The following DHRS1 variants were observed in gnomAD, a reference collection of about 807,000 sequenced individuals.
DHRS1 encodes dehydrogenase/reductase SDR family member 1.
DHRS1 carries 34 observed loss-of-function variants against 35.2 expected under a neutral mutation model. The ratio of observed to expected loss-of-function variants is 0.97; its 90% CI spans 0.74 to 1.29. The LOEUF is 1.29. Among genes scored for constraint, DHRS1 ranks in the 50% most tolerant of loss-of-function variants. The pLI is 0.00. For missense variants in DHRS1, 354 were observed against 403.6 expected (o/e 0.88, Z 1.05); for synonymous variants, 133 against 160.0 (o/e 0.83, Z 1.27).
chr14:24,295,561 G>A (rs1474731075), intron 4 of DHRS1, among the ~76,000 whole-genome samples: 1 of 152,192 alleles, frequency 6.6e-6, no homozygotes, highest in East Asian at 1.9e-4. Flanking sequence ...CCAAGGTCGA[G>A]GGTCTGGGCC....
In DHRS1 at chr14:24,296,563, G is replaced by A; in HGVS notation, c.320C>T (p.Ala107Val). Reference sequence around the variant, plus strand: ...CATGGAGGCAGGGGTTTCCCAGAATGCCTTATTCCTGGTGTTCAGGATCGT... The same window carrying A: ...CATGGAGGCAGGGGTTTCCCAGAATACCTTATTCCTGGTGTTCAGGATCGT... ...VQTILNTRNK[A>V]FWETPASMWD... The change falls in exon 4 of 9, where the codon GCA (alanine) becomes GTA (valine). Residue 107 changes from alanine to valine, a missense_variant. Ala to Val is a moderately conservative substitution (Grantham distance 64). Coordinates refer to ENST00000288111, the MANE Select transcript of DHRS1 (RefSeq NM_001136050.3). 1 of 1,614,170 alleles carries A rather than the reference G, an allele frequency of 6.2e-7. No homozygotes were observed.
Position 24,290,906 on chromosome 14 carries a change from G to C in DHRS1, c.895C>G (p.Leu299Val). The C allele has an allele frequency of 6.2e-7, 1 of 1,614,008 alleles. No individual in the cohort carries two copies. Among genetic ancestry groups the C allele is most frequent in the Non-Finnish European group, 8.5e-7 (1 of 1,180,012 alleles). Residue 299 changes from leucine (L) to valine (V), a missense_variant, in exon 9 of 9, where the codon CTC becomes GTC. Transcript: ENST00000288111. The part of the protein sequence containing the change: ...GWLASYLPSF[L>V]RVPKWIIALY... ...GCAATAATCCACTTGGGCACACGGAGGAAGGAGGGCAGGTAGGAGGCCAGC... is the reference window on the plus strand; with the variant it reads ...GCAATAATCCACTTGGGCACACGGACGAAGGAGGGCAGGTAGGAGGCCAGC...
At chr14:24,297,245 T>C (rs1325873872) in intron 2 of DHRS1, among the ~76,000 whole-genome samples, 1 of 152,188 alleles carries the variant, frequency 6.6e-6, no homozygotes, top group Non-Finnish European at 1.5e-5. Context: ...GTCATTTCCA[T>C]CTCTCATGCC....
Position 24,290,950 on chromosome 14 carries a change from TGTGA to T in DHRS1, c.847_850del (p.Ser283ThrfsTer110). 1 of 1,613,970 alleles carries T rather than the reference TGTGA, an allele frequency of 6.2e-7. No individual in the cohort carries two copies. The highest frequency in any genetic ancestry group is 8.5e-7 in the Non-Finnish European group (1 of 1,179,996). On this transcript the variant is annotated frameshift_variant, in exon 9 of 9. Coordinates refer to ENST00000288111, the MANE Select transcript of DHRS1 (RefSeq NM_001136050.3). LOFTEE classifies it high-confidence loss of function. ...GGCCAGCCAGCCCAGGCCGGACACGTGTGAGAGAACAGAGCTCAAAGACAAATAG... is the reference window on the plus strand; with the variant it reads ...GGCCAGCCAGCCCAGGCCGGACACGTGAGAACAGAGCTCAAAGACAAATAG...
chr14:24,292,903 G>A lies in DHRS1; in HGVS notation c.375-119C>T, dbSNP rs932040569. ...GTTGTCCACTAGGAAGGCTACACAG[G>A]GTGGGTTAGCGACCTGAGGAATTAG... is the stretch of plus-strand genomic sequence containing the variant. On this transcript the variant is annotated intron_variant, in intron 4 of 8. Transcript: ENST00000288111. The A allele has an allele frequency of 6.6e-6, 9 of 1,362,476 alleles. No individual in the cohort carries two copies. The Admixed American group carries it at 2.5e-4, about 38-fold the overall frequency. 84.4% of individuals were successfully genotyped at this position (1,362,476 alleles called of 1,614,324 possible). A position where few individuals can be genotyped will look rare whatever the true frequency, so the allele number is the denominator to read the frequency against.
chr14:24,294,104 TA>T (rs1160795619), intron 4 of DHRS1: 1 of 151,988 alleles, frequency 6.6e-6, no homozygotes, highest in Non-Finnish European at 1.5e-5. Flanking sequence ...TATTTAAATA[TA>T]AAAAACGAAA....
Position 24,299,778 on chromosome 14 carries a change from T to C in DHRS1, c.-222A>G, listed in dbSNP as rs1490959424. On this transcript the variant is annotated 5_prime_UTR_variant, in exon 1 of 9. Coordinates refer to ENST00000288111, the MANE Select transcript of DHRS1 (RefSeq NM_001136050.3). ...GAACCTGCGGATGGGGGCGGAGCGA[T>C]CTGGGTGACACACCCACCCCGCCCG... The C allele has an allele frequency of 1.4e-6, 1 of 722,666 alleles. No homozygotes were observed. 44.8% of individuals were successfully genotyped at this position (722,666 alleles called of 1,614,324 possible). A position where few individuals can be genotyped will look rare whatever the true frequency, so the allele number is the denominator to read the frequency against.
At chr14:24,297,692 A>G (rs1469842995) in intron 2 of DHRS1, among the ~76,000 whole-genome samples, 2 of 152,138 alleles carry the variant, frequency 1.3e-5, no homozygotes, top group African/African-American at 2.4e-5. Flanking sequence ...GGGTCTTCCA[A>G]GACCCACTCT....
intron 7 of DHRS1, 147 bp downstream of exon 7, chr14:24,291,408 TG>T: frequency 1.9e-6 from 2 of 1,072,220 alleles, no homozygotes; most frequent in Non-Finnish European, 2.9e-6. Flanking sequence ...GACCTCAAAC[TG>T]GGAATGCTGA....
At chr14:24,297,272 C>T (rs1243614681) in intron 2 of DHRS1, among the ~76,000 whole-genome samples, 2 of 152,154 alleles carry the variant, frequency 1.3e-5, no homozygotes, top group Non-Finnish European at 2.9e-5. Context: ...TCCCACCCTA[C>T]ACTACTCACC....
chr14:24,290,698 A>G lies in DHRS1; in HGVS notation c.*161T>C, dbSNP rs988118164. 1.0e-5 allele frequency: 8 copies of G among 796,608 alleles called. No homozygotes were observed. Among genetic ancestry groups the G allele is most frequent in the African/African-American group, 6.9e-5 (4 of 58,022 alleles). 49.3% of individuals were successfully genotyped at this position (796,608 alleles called of 1,614,324 possible). A position where few individuals can be genotyped will look rare whatever the true frequency, so the allele number is the denominator to read the frequency against. On this transcript the variant is annotated 3_prime_UTR_variant, in exon 9 of 9. Transcript: ENST00000288111. ...AGGAAAACCAAGGCACAAAGAAGGG[A>G]CCTAGGCGCACCCCAGAACTCACCA...
Position 24,296,580 on chromosome 14 carries a change from C to A in DHRS1, c.303G>T (p.Leu101=), listed in dbSNP as rs754850456. 6.2e-7 allele frequency: 1 copy of A among 1,613,946 alleles called. No homozygotes were observed. ...CCCAGAATGCCTTATTCCTGGTGTTCAGGATCGTCTGGAAGGCACAGGGAG... is the reference window on the plus strand; with the variant it reads ...CCCAGAATGCCTTATTCCTGGTGTTAAGGATCGTCTGGAAGGCACAGGGAG... ...NNAYAGVQTI[L]NTRNKAFWET... Residue 101 remains leucine, a synonymous_variant, in exon 4 of 9, where the codon CTG becomes CTT. Transcript: ENST00000288111.
chr14:24,291,116 G>T, intron 8 of DHRS1, 23 bp downstream of exon 8: 1 of 1,613,984 alleles, frequency 6.2e-7, no homozygotes, highest in South Asian at 1.1e-5. Flanking sequence ...AGTCAAGGCT[G>T]ACTGCTGTGC....
rs878978253 is a variant in DHRS1 at position 24,292,576 on chromosome 14, G to A, written c.507+76C>T. ...AGCCAGCCTTACCATTCTGACCACT[G>A]GGGATTGTACCTCCTGAGCTATAGG... On this transcript the variant is annotated intron_variant, in intron 5 of 8. Transcript: ENST00000288111. The A allele has an allele frequency of 4.3e-6, 7 of 1,610,876 alleles. No homozygotes were observed. In the South Asian group the frequency reaches 7.7e-5, roughly 18 times the overall value.
rs749581359 is a variant in DHRS1, at chr14:24,299,055, C to T, written c.52G>A (p.Gly18Ser). The T allele has an allele frequency of 1.2e-6, 2 of 1,614,064 alleles. No individual in the cohort carries two copies. Among genetic ancestry groups the T allele is most frequent in the South Asian group, 1.1e-5 (1 of 91,070 alleles). ...TGCAAGGCAATGCCACGGCCAATAC[C>T]CCTGGAGGCACCAGTCACCACACAC... The part of the protein sequence containing the change: ...QVCVVTGASR[G>S]IGRGIALQLC... The change falls in exon 2 of 9, where the codon GGT (glycine) becomes AGT (serine). Residue 18 changes from glycine to serine, a missense_variant. Physicochemically the swap from Gly to Ser is moderately conservative, Grantham distance 56 (BLOSUM62 0). Coordinates refer to ENST00000288111, the MANE Select transcript of DHRS1 (RefSeq NM_001136050.3).
chr14:24,292,126 T>G (rs1434687845), intron 6 of DHRS1, 58 bp downstream of exon 6: 5 of 1,606,402 alleles, frequency 3.1e-6, no homozygotes, highest in Non-Finnish European at 4.3e-6. Context: ...ATCTTGTTAT[T>G]GAGGATGCAG....
chr14:24,293,609 A>G (rs1016788602), intron 4 of DHRS1: 1 of 149,400 alleles, frequency 6.7e-6, no homozygotes, highest in African/African-American at 2.4e-5. Flanking sequence ...GAGAACAGCC[A>G]GGAAAATTCC....
At chr14:24,299,395 G>A in intron 1 of DHRS1, 186 bp downstream of exon 1, 2 of 316,286 alleles carry the variant, frequency 6.3e-6, no homozygotes, top group East Asian at 1.1e-4. Context: ...GAGTGTGGCT[G>A]CCTGGATATG....
chr14:24,290,810 C>T lies in DHRS1; in HGVS notation c.*49G>A. The T allele has an allele frequency of 6.2e-7, 1 of 1,609,640 alleles. No homozygotes were observed. Among genetic ancestry groups the T allele is most frequent in the South Asian group, 1.1e-5 (1 of 90,814 alleles). On this transcript the variant is annotated 3_prime_UTR_variant, in exon 9 of 9. Transcript: ENST00000288111. Reference sequence around the variant, plus strand: ...GTTTCACTGAGACAGGACGAACCACCAAGTCCAAATGAGAAGACAAGCAGA... The same window carrying T: ...GTTTCACTGAGACAGGACGAACCACTAAGTCCAAATGAGAAGACAAGCAGA...
Sources: allele counts gnomAD v4.1 joint callset (sites outside exome capture counted in the v4.1 genomes callset), GRCh38; gene constraint gnomAD v4.1.1; transcripts MANE v1.5; gene names NCBI Gene and HGNC (gene_info 2026-07-23, HGNC 2026-07-21).